TUBGCP3: variants seen among roughly 807,000 people sequenced by gnomAD.
TUBGCP3 encodes the protein gamma-tubulin complex component 3.
In TUBGCP3, 50 loss-of-function variants were observed where a neutral mutation model predicts 123.1. That is an observed-to-expected ratio of 0.41 (90% CI 0.32 to 0.51). The LOEUF is 0.51. Among genes scored for constraint, TUBGCP3 ranks in the 20% least tolerant of loss-of-function variants. TUBGCP3 has a pLI of 0.36. For missense variants in TUBGCP3, 882 were observed against 1,127.0 expected, an observed-to-expected ratio of 0.78 and a Z score of 3.11; for synonymous variants, 405 against 413.9, an observed-to-expected ratio of 0.98 and a Z score of 0.26.
chr13:112,531,313 A>T (rs1247528326), intron 11 of TUBGCP3, among the ~76,000 whole-genome samples: 1 of 152,228 alleles, frequency 6.6e-6, no homozygotes, highest in South Asian at 2.1e-4. Context: ...TGAAGCATTC[A>T]CTGATCTATT....
At chr13:112,509,698 GC>G (rs768370279) in intron 17 of TUBGCP3, among the ~76,000 whole-genome samples, 126 of 152,302 alleles carry the variant, frequency 8.3e-4, no homozygotes, top group Non-Finnish European at 1.3e-3. Context: ...TGAGGACGCT[GC>G]TACTGAAAAG....
the TUBGCP3 span, among the ~76,000 whole-genome samples, chr13:112,593,566 G>A: frequency 1.3e-5 from 2 of 152,026 alleles, no homozygotes; most frequent in East Asian, 1.9e-4. Flanking sequence ...CCAGCTACTC[G>A]GGAAGCTGAG....
chr13:112,539,939 T>C (rs1265554307), intron 11 of TUBGCP3, among the ~76,000 whole-genome samples: 3,782 of 132,066 alleles, frequency 0.029, no homozygotes, highest in African/African-American at 0.075. Flanking sequence ...TGGGAAAGGA[T>C]ACCTGGGAGT....
intron 1 of TUBGCP3, among the ~76,000 whole-genome samples, chr13:112,579,561 G>C (rs1377694853): frequency 6.6e-6 from 1 of 150,834 alleles, no homozygotes; most frequent in Non-Finnish European, 1.5e-5. Context: ...AGTGCCGGGG[G>C]GCCACGGCAT....
Position 112,519,981 on chromosome 13 carries a change from T to TAA in TUBGCP3, c.1785_1786insTT (p.Asn596LeufsTer3). ...GCGGTTTCTAGAATTCCAGTCAAGT[T>TAA]ATGCTGATACAAAGTCGTAGCTGGA... On this transcript the variant is annotated frameshift_variant, in exon 15 of 22. Coordinates refer to ENST00000261965, the MANE Select transcript of TUBGCP3 (RefSeq NM_006322.6). LOFTEE classifies it high-confidence loss of function. This position sits in a 1 kb window ranked among gnomAD's most constrained non-coding sequence, Gnocchi z 6.2. 6.2e-7 allele frequency: 1 copy of TAA among 1,614,034 alleles called. No homozygotes were observed. The highest frequency in any genetic ancestry group is 8.5e-7 in the Non-Finnish European group (1 of 1,179,886).
chr13:112,520,572 T>C (rs371225427), intron 14 of TUBGCP3, among the ~76,000 whole-genome samples: 6 of 152,204 alleles, frequency 3.9e-5, no homozygotes, highest in East Asian at 3.9e-4. Flanking sequence ...TCAGCTTAAA[T>C]TGAAAGTACT....
chr13:112,577,259 A>G (rs1206850728), intron 1 of TUBGCP3, among the ~76,000 whole-genome samples: 1 of 152,242 alleles, frequency 6.6e-6, no homozygotes, highest in Non-Finnish European at 1.5e-5. Flanking sequence ...GAAACCTGGC[A>G]CACACACCTT....
intron 16 of TUBGCP3, among the ~76,000 whole-genome samples, chr13:112,517,407 A>G (rs1202087158): frequency 6.6e-6 from 1 of 152,222 alleles, no homozygotes; most frequent in Non-Finnish European, 1.5e-5. Flanking sequence ...ACTCTTAATG[A>G]GATCTGTAAT....
chr13:112,549,511 TA>T, intron 8 of TUBGCP3, among the ~76,000 whole-genome samples: 1 of 152,208 alleles, frequency 6.6e-6, no homozygotes, highest in Non-Finnish European at 1.5e-5. Context: ...ATTAATTAAT[TA>T]AAAAAGATTA....
At chr13:112,547,337 T>C (rs1053204368) in intron 10 of TUBGCP3, 3 of 421,590 alleles carry the variant, frequency 7.1e-6, no homozygotes, top group South Asian at 1.3e-4. Flanking sequence ...GCTTCTACCA[T>C]ATAAATACTG....
chr13:112,560,757 A>G (rs1022931178), intron 3 of TUBGCP3, among the ~76,000 whole-genome samples: 2 of 152,232 alleles, frequency 1.3e-5, no homozygotes, highest in African/African-American at 4.8e-5. Context: ...ACTTTAAAAA[A>G]TTGGTTGACA....
At chr13:112,572,096 G>A (rs1020003282) in intron 1 of TUBGCP3, among the ~76,000 whole-genome samples, 1 of 152,124 alleles carries the variant, frequency 6.6e-6, no homozygotes, top group African/African-American at 2.4e-5. Flanking sequence ...TTTCCTTCAA[G>A]AACTTTTCCT....
At chr13:112,564,994 C>A in intron 3 of TUBGCP3, 117 bp downstream of exon 3, 2 of 778,986 alleles carry the variant, frequency 2.6e-6, no homozygotes, top group Admixed American at 2.9e-5. Context: ...TAATTAAAAG[C>A]AATTACCAAT....
At chr13:112,553,934 A>T in intron 8 of TUBGCP3, 123 bp downstream of exon 8, 1 of 1,450,472 alleles carries the variant, frequency 6.9e-7, no homozygotes, top group South Asian at 1.4e-5. Flanking sequence ...CTGAAAGTTG[A>T]CTCTCAAAGC....
At chr13:112,557,736 C>T (rs1164209934) in intron 5 of TUBGCP3, among the ~76,000 whole-genome samples, 3 of 152,210 alleles carry the variant, frequency 2.0e-5, no homozygotes, top group South Asian at 4.1e-4. Context: ...TTCATATGCA[C>T]TAAAATGTCA....
At chr13:112,593,573 T>C in the TUBGCP3 span, among the ~76,000 whole-genome samples, 5 of 151,946 alleles carry the variant, frequency 3.3e-5, no homozygotes, top group African/African-American at 1.2e-4. Context: ...CTCGGGAAGC[T>C]GAGACAGAAG....
intron 13 of TUBGCP3, among the ~76,000 whole-genome samples, chr13:112,523,304 G>A (rs1220202990): frequency 1.3e-5 from 2 of 152,226 alleles, no homozygotes; most frequent in African/African-American, 4.8e-5. Context: ...GAGATCTTCT[G>A]ATTCAGAGTT....
At position 112,545,009 on chromosome 13, in the gene TUBGCP3, CCA is replaced by C. The variant is rs1430242975; in HGVS notation, c.1335+688_1335+689del. On this transcript the variant is annotated intron_variant, in intron 11 of 21. Coordinates refer to ENST00000261965, the MANE Select transcript of TUBGCP3 (RefSeq NM_006322.6). The surrounding 1 kb of genome is among the most constrained non-coding windows in gnomAD (Gnocchi z 4.1). Reference sequence around the variant, plus strand: ...ATGGCCAGGCCTCCGCCACTTCCCGCCACACACAGTCTGCGGCCCCGACGGCC... The same window carrying C: ...ATGGCCAGGCCTCCGCCACTTCCCGCCACACAGTCTGCGGCCCCGACGGCC... The C allele has an allele frequency of 2.0e-5, 3 of 152,478 alleles. No individual in the cohort carries two copies. Among genetic ancestry groups the C allele is most frequent in the East Asian group, 1.9e-4 (1 of 5,198 alleles). The allele number at this position is 152,478 out of a possible 1,614,324, so 9.4% of individuals were successfully genotyped here.
At chr13:112,499,268 T>A in intron 19 of TUBGCP3, 83 bp from the exon 20 acceptor site, 1 of 1,475,404 alleles carries the variant, frequency 6.8e-7, no homozygotes, top group Non-Finnish European at 9.0e-7. Context: ...AGTGAAAAGA[T>A]ATTAGAAAAC....
Sources: allele counts gnomAD v4.1 joint callset (sites outside exome capture counted in the v4.1 genomes callset), GRCh38; gene constraint gnomAD v4.1.1; non-coding constraint Gnocchi (gnomAD v3.1); transcripts MANE v1.5; gene names NCBI Gene and HGNC (gene_info 2026-07-23, HGNC 2026-07-21).